HECW1: variants seen among roughly 807,000 people sequenced by gnomAD.
HECW1 encodes HECT, C2 and WW domain containing E3 ubiquitin protein ligase 1.
Under a neutral mutation model 182.3 loss-of-function variants are expected in HECW1, and 61 were observed. The observed-to-expected ratio is 0.33, with a 90% CI of 0.27 to 0.41. The LOEUF is 0.41. HECW1 is among the 10% of genes least tolerant of loss of function. The pLI is 1.00. For missense variants in HECW1, 1,739 were observed against 2,108.9 expected, an observed-to-expected ratio of 0.82 and a Z score of 3.44; for synonymous variants, 859 against 832.6, an observed-to-expected ratio of 1.03 and a Z score of -0.55.
intron 19 of HECW1, among the ~76,000 whole-genome samples, chr7:43,500,082 A>G (rs1007738405): frequency 6.6e-6 from 1 of 150,644 alleles, no homozygotes; most frequent in African/African-American, 2.4e-5. Context: ...GGCTTCCAAC[A>G]CGACATGAGC....
chr7:43,399,403 A>G (rs887102452), intron 7 of HECW1, among the ~76,000 whole-genome samples: 7 of 152,246 alleles, frequency 4.6e-5, no homozygotes, highest in African/African-American at 1.7e-4. Context: ...AGCAACTCCT[A>G]TTGAAATGCT....
intron 5 of HECW1, among the ~76,000 whole-genome samples, chr7:43,336,391 A>G (rs1188667734): frequency 6.6e-6 from 1 of 151,860 alleles, no homozygotes; most frequent in Admixed American, 6.6e-5. Flanking sequence ...CTAGTCTCCA[A>G]TTCCTGGCCT....
chr7:43,504,443 C>A (rs1383951533), intron 21 of HECW1, among the ~76,000 whole-genome samples: 1 of 152,180 alleles, frequency 6.6e-6, no homozygotes, highest in African/African-American at 2.4e-5. Context: ...TTCCCTGATG[C>A]AGCGTAGATT....
chr7:43,411,529 T>G (rs559835351), intron 8 of HECW1, among the ~76,000 whole-genome samples: 113 of 152,282 alleles, frequency 7.4e-4, no homozygotes, highest in African/African-American at 2.6e-3. Flanking sequence ...ATTCTCTGTG[T>G]CTTTATTGCT....
intron 8 of HECW1, 105 bp from the exon 9 acceptor site, chr7:43,437,898 T>C: frequency 7.8e-6 from 9 of 1,156,790 alleles, no homozygotes; most frequent in Non-Finnish European, 1.1e-5. Context: ...ATAGGTATAT[T>C]ATAGCTAGGA....
chr7:43,393,332 T>C (rs1312043623), intron 6 of HECW1, among the ~76,000 whole-genome samples: 1 of 152,198 alleles, frequency 6.6e-6, no homozygotes. Context: ...GGTGAAACTA[T>C]TTGGGCTGAG....
chr7:43,450,951 CTG>C (rs747063713), intron 12 of HECW1, 22 bp downstream of exon 12: 3 of 1,492,032 alleles, frequency 2.0e-6, no homozygotes, highest in Non-Finnish European at 2.8e-6. Context: ...TTTTTAAAAT[CTG>C]TGTCTTAACT....
intron 3 of HECW1, among the ~76,000 whole-genome samples, chr7:43,277,391 G>C (rs1803291501): frequency 6.6e-6 from 1 of 152,110 alleles, no homozygotes; most frequent in Non-Finnish European, 1.5e-5. Flanking sequence ...GTTTGGTTTT[G>C]TTTTAGGTGT....
chr7:43,412,436 T>TATTA (rs2075833867), intron 8 of HECW1, among the ~76,000 whole-genome samples: 1 of 150,502 alleles, frequency 6.6e-6, no homozygotes, highest in East Asian at 1.9e-4. Flanking sequence ...TTTATTTATT[T>TATTA]ATTTATTTAT....
intron 2 of HECW1, among the ~76,000 whole-genome samples, chr7:43,234,319 G>A (rs968264012): frequency 2.0e-5 from 3 of 152,068 alleles, no homozygotes; most frequent in African/African-American, 7.2e-5. Flanking sequence ...AGATCATGTC[G>A]CTTCCCCACT....
intron 12 of HECW1, among the ~76,000 whole-genome samples, chr7:43,452,409 A>G (rs574800579): frequency 3.2e-4 from 48 of 152,368 alleles, no homozygotes; most frequent in African/African-American, 1.2e-3. Flanking sequence ...TTCAATAATG[A>G]GAACAAATTT....
At chr7:43,542,410 A>T (rs1009200885) in intron 26 of HECW1, among the ~76,000 whole-genome samples, 23 of 151,964 alleles carry the variant, frequency 1.5e-4, no homozygotes, top group African/African-American at 5.3e-4. Flanking sequence ...CATTATGTAG[A>T]TATATATGTA....
At chr7:43,530,118 T>C (rs1333443265) in intron 24 of HECW1, among the ~76,000 whole-genome samples, 1 of 138,480 alleles carries the variant, frequency 7.2e-6, no homozygotes, top group Admixed American at 7.2e-5. Context: ...CTTGGCTAAT[T>C]TTTTTTTTTT....
At chr7:43,258,289 G>A (rs1562745370) in intron 3 of HECW1, among the ~76,000 whole-genome samples, 1 of 151,902 alleles carries the variant, frequency 6.6e-6, no homozygotes, top group African/African-American at 2.4e-5. Flanking sequence ...GTTGCAGTGA[G>A]CCGAGATTGT....
chr7:43,223,630 A>G (rs921755416), intron 2 of HECW1, among the ~76,000 whole-genome samples: 1 of 152,120 alleles, frequency 6.6e-6, no homozygotes, highest in African/African-American at 2.4e-5. Context: ...AAAAAAAAAA[A>G]AATATGCCAA....
At chr7:43,290,867 A>C (rs1467032991) in intron 3 of HECW1, among the ~76,000 whole-genome samples, 1 of 152,206 alleles carries the variant, frequency 6.6e-6, no homozygotes, top group Non-Finnish European at 1.5e-5. Flanking sequence ...GGTGGAACGA[A>C]GTTCCAGGAG....
At chr7:43,561,698 A>C in intron 29 of HECW1, 117 bp from the exon 30 acceptor site, 1 of 670,412 alleles carries the variant, frequency 1.5e-6, no homozygotes, top group Non-Finnish European at 2.6e-6. Flanking sequence ...GTGGTCCTAA[A>C]TCATGGTCCT....
intron 6 of HECW1, among the ~76,000 whole-genome samples, chr7:43,386,574 T>C (rs1388127638): frequency 1.3e-5 from 2 of 152,214 alleles, no homozygotes; most frequent in Non-Finnish European, 1.5e-5. Context: ...TCCAGCGTGA[T>C]GCCAAAGCAA....
At chr7:43,120,595 C>T (rs534778735) in intron 2 of HECW1, among the ~76,000 whole-genome samples, 6 of 152,098 alleles carry the variant, frequency 3.9e-5, no homozygotes, top group Non-Finnish European at 8.8e-5. Context: ...AACCTCAGAA[C>T]TTTCTCTATG....
Sources: gnomAD v4.1 joint callset for allele counts (sites outside exome capture counted in the v4.1 genomes callset) on GRCh38, gnomAD v4.1.1 for gene constraint, MANE v1.5 for transcripts, NCBI Gene and HGNC (gene_info 2026-07-23, HGNC 2026-07-21) for gene names.